The following CLGN variants were observed in gnomAD, a reference collection of about 807,000 sequenced individuals.
CLGN encodes the protein testis tissue sperm-binding protein Li 79P.
In CLGN, 62 loss-of-function variants were observed where a neutral mutation model predicts 79.1. The ratio of observed to expected loss-of-function variants is 0.78; its 90% CI spans 0.64 to 0.97. The LOEUF is 0.97. CLGN is among the 50% of genes least tolerant of loss of function. CLGN has a pLI of 0.00. For synonymous variants in CLGN, 225 were observed against 224.7 expected (o/e 1.00, Z -0.01); for missense variants, 647 against 715.5 (o/e 0.90, Z 1.09).
rs1423793995 is a variant in CLGN at position 140,396,911 on chromosome 4, A to ATG, written c.885-707_885-706insCA. ...TATATGTATATATATATATATGTAT[A>ATG]TATATATATATACACATATATATAT... On this transcript the variant is annotated intron_variant, in intron 8 of 14. Coordinates refer to ENST00000325617, the MANE Select transcript of CLGN (RefSeq NM_004362.3). Among the ~76,000 whole-genome samples, 9 of 131,132 alleles carry ATG rather than the reference A, an allele frequency of 6.9e-5. 1 individual carries two copies. Among genetic ancestry groups the ATG allele is most frequent in the Non-Finnish European group, 1.3e-4 (8 of 63,226 alleles). The allele number at this position is 131,132 out of a possible 152,430, so 86.0% of individuals were successfully genotyped here. A position where few individuals can be genotyped will look rare whatever the true frequency, so the allele number is the denominator to read the frequency against.
In CLGN at chr4:140,402,053, A is replaced by T. The variant is rs1729009926; in HGVS notation, c.433T>A (p.Phe145Ile). 6.4e-7 allele frequency: 1 copy of T among 1,566,068 alleles called. No homozygotes were observed. The change falls in exon 6 of 15, where the codon TTT becomes ATT. Residue 145 changes from phenylalanine to isoleucine, a missense_variant. Transcript: ENST00000325617. ...KPLIVQYEVNFQDGIDCGGAY... is the reference protein window; with the variant it reads ...KPLIVQYEVNIQDGIDCGGAY... ...CCTCCACAATCAATACCATCTTGAAAATTTACTTCATATCTGAATAAAGGG... is the reference window on the plus strand; with the variant it reads ...CCTCCACAATCAATACCATCTTGAATATTTACTTCATATCTGAATAAAGGG...
chr4:140,426,187 T>G (rs1343652982), intron 1 of CLGN, among the ~76,000 whole-genome samples: 1 of 152,194 alleles, frequency 6.6e-6, no homozygotes, highest in South Asian at 2.1e-4. Context: ...CTAGTTTTAT[T>G]ATTAAAAAGA....
intron 1 of CLGN, among the ~76,000 whole-genome samples, chr4:140,420,919 T>C (rs1342122407): frequency 6.6e-6 from 1 of 152,138 alleles, no homozygotes; most frequent in Admixed American, 6.6e-5. Flanking sequence ...TTCTTCATGC[T>C]CTAAAACTAA....
Position 140,393,933 on chromosome 4 carries a change from A to G in CLGN, c.1258T>C (p.Ser420Pro), listed in dbSNP as rs780722455. 2.0e-5 allele frequency: 32 copies of G among 1,613,782 alleles called. No individual in the cohort carries two copies. Among genetic ancestry groups the G allele is most frequent in the Non-Finnish European group, 2.7e-5 (32 of 1,179,774 alleles). Reference sequence around the variant, plus strand: ...ATAAAATTATCAAAGTAGATATCAGAGGTCATAGACCAAAGCTCTAAACCA... The same window carrying G: ...ATAAAATTATCAAAGTAGATATCAGGGGTCATAGACCAAAGCTCTAAACCA... ...ALGLELWSMT[S>P]DIYFDNFIIC... Residue 420 changes from serine (S) to proline (P), a missense_variant, in exon 11 of 15, where the codon TCT becomes CCT. Physicochemically the swap from Ser to Pro is moderately conservative, Grantham distance 74 (BLOSUM62 -1). Transcript: ENST00000325617.
intron 3 of CLGN, 123 bp from the exon 4 acceptor site, chr4:140,410,018 AT>A (rs1398919694): frequency 5.1e-6 from 3 of 590,122 alleles, no homozygotes; most frequent in Middle Eastern, 4.2e-4. Flanking sequence ...TCAACAATAA[AT>A]TCATACTTAG....
intron 10 of CLGN, 55 bp from the exon 11 acceptor site, chr4:140,394,096 C>T: frequency 1.5e-6 from 2 of 1,293,032 alleles, no homozygotes; most frequent in African/African-American, 1.5e-5. Flanking sequence ...ATTATAAATG[C>T]TGCTTAATAA....
intron 1 of CLGN, among the ~76,000 whole-genome samples, chr4:140,415,691 A>G (rs1359892398): frequency 6.9e-6 from 1 of 145,884 alleles, no homozygotes; most frequent in Non-Finnish European, 1.5e-5. Flanking sequence ...GAGCACCAAG[A>G]TTCATAAAGC....
At chr4:140,420,558 A>AT (rs1729451673) in intron 1 of CLGN, among the ~76,000 whole-genome samples, 1 of 151,638 alleles carries the variant, frequency 6.6e-6, no homozygotes, top group African/African-American at 2.4e-5. Flanking sequence ...TTTTTTTAAA[A>AT]AAAAAAATCA....
At chr4:140,391,830 T>G (rs889330814) in intron 13 of CLGN, among the ~76,000 whole-genome samples, 1 of 151,928 alleles carries the variant, frequency 6.6e-6, no homozygotes, top group Non-Finnish European at 1.5e-5. Flanking sequence ...TTGGTGTTGA[T>G]TTTGTTGCTG....
intron 1 of CLGN, among the ~76,000 whole-genome samples, chr4:140,422,773 G>A (rs1272076884): frequency 3.3e-5 from 5 of 152,038 alleles, no homozygotes; most frequent in Non-Finnish European, 7.4e-5. Context: ...GCATCACCAT[G>A]CCCAGCTAAT....
At chr4:140,396,864 T>C (rs892785837) in intron 8 of CLGN, among the ~76,000 whole-genome samples, 7 of 70,952 alleles carry the variant, frequency 9.9e-5, no homozygotes, top group Non-Finnish European at 1.9e-4. Flanking sequence ...GGCTGGAGCA[T>C]ATATATATAC....
intron 10 of CLGN, among the ~76,000 whole-genome samples, chr4:140,394,854 G>T (rs1728838642): frequency 6.6e-6 from 1 of 152,056 alleles, no homozygotes; most frequent in South Asian, 2.1e-4. Flanking sequence ...AATATAAAAA[G>T]CTAGGTACAC....
chr4:140,410,261 A>G (rs1170136020), intron 3 of CLGN, among the ~76,000 whole-genome samples: 1 of 151,982 alleles, frequency 6.6e-6, no homozygotes, highest in Non-Finnish European at 1.5e-5. Context: ...GTAGAGCAGT[A>G]CTCATATTTG....
chr4:140,425,429 G>GGTGTGT (rs754897067), intron 1 of CLGN, among the ~76,000 whole-genome samples: 4,404 of 116,790 alleles, frequency 0.038, 86 homozygotes, highest in South Asian at 0.073. Flanking sequence ...GAATCAATAG[G>GGTGTGT]GTGTGTGTGT....
chr4:140,400,295 C>T (rs1184817199), intron 7 of CLGN, 62 bp downstream of exon 7: 3 of 1,222,950 alleles, frequency 2.5e-6, no homozygotes, highest in East Asian at 4.7e-5. Context: ...AAAGCACTTG[C>T]CATGAATACA....
In CLGN at chr4:140,406,299, T is replaced by A. The variant is rs1394151246; in HGVS notation, c.278-216A>T. Among the ~76,000 whole-genome samples the A allele has an allele frequency of 2.0e-5, 3 of 152,212 alleles. 1 individual carries two copies. Among genetic ancestry groups the A allele is most frequent in the Admixed American group, 2.0e-4 (3 of 15,280 alleles). ...GATTTCATCTTCTTAACTAAAGTTG[T>A]GAAAACTAATAGCAAACACTATAGT... On this transcript the variant is annotated intron_variant, in intron 4 of 14. Coordinates refer to ENST00000325617, the MANE Select transcript of CLGN (RefSeq NM_004362.3).
intron 1 of CLGN, among the ~76,000 whole-genome samples, chr4:140,413,396 T>C (rs1356175491): frequency 2.0e-5 from 3 of 152,002 alleles, no homozygotes; most frequent in Non-Finnish European, 2.9e-5. Flanking sequence ...CAGCTCCCAG[T>C]GTGAGCGACG....
At chr4:140,401,129 C>T (rs922420472) in intron 6 of CLGN, among the ~76,000 whole-genome samples, 1 of 152,144 alleles carries the variant, frequency 6.6e-6, no homozygotes, top group African/African-American at 2.4e-5. Flanking sequence ...TTTTAAAGCT[C>T]TCTGCACCTC....
intron 14 of CLGN, 57 bp from the exon 15 acceptor site, chr4:140,389,361 G>C: frequency 1.7e-6 from 2 of 1,195,208 alleles, no homozygotes; most frequent in Admixed American, 1.7e-5. Flanking sequence ...CTAGTAGATA[G>C]TAGTAAACAA....
Sources: gnomAD v4.1 joint callset for allele counts (sites outside exome capture counted in the v4.1 genomes callset) on GRCh38, gnomAD v4.1.1 for gene constraint, MANE v1.5 for transcripts, NCBI Gene and HGNC (gene_info 2026-07-23, HGNC 2026-07-21) for gene names.